The following RGS7BP variants were observed in gnomAD, a reference collection of about 807,000 sequenced individuals.
RGS7BP encodes regulator of G protein signaling 7 binding protein.
In RGS7BP, 9 loss-of-function variants were observed where a neutral mutation model predicts 31.3. The observed-to-expected ratio is 0.29, with a 90% CI of 0.17 to 0.50. The LOEUF is 0.50. Among genes scored for constraint, RGS7BP ranks in the 20% least tolerant of loss-of-function variants. The pLI, the probability that RGS7BP is intolerant of heterozygous loss-of-function variation, is 0.98. For synonymous variants in RGS7BP, 115 were observed against 120.1 expected (o/e 0.96, Z 0.28); for missense variants, 274 against 322.0 (o/e 0.85, Z 1.14).
intron 2 of RGS7BP, among the ~76,000 whole-genome samples, chr5:64,517,744 AG>A (rs1427684164): frequency 6.6e-6 from 1 of 152,226 alleles, no homozygotes; most frequent in East Asian, 1.9e-4. Context: ...TATGAAGTTT[AG>A]AAACCACTGG....
Position 64,610,029 on chromosome 5 carries a change from G to T in RGS7BP, c.*777G>T, listed in dbSNP as rs1743463857. Reference sequence around the variant, plus strand: ...AAATGGTGTAGTAACATATACAATTGCCCTCAAATGTAAAATCAAATATTA... The same window carrying T: ...AAATGGTGTAGTAACATATACAATTTCCCTCAAATGTAAAATCAAATATTA... On this transcript the variant is annotated 3_prime_UTR_variant, in exon 6 of 6. Coordinates refer to ENST00000334025, the MANE Select transcript of RGS7BP (RefSeq NM_001029875.3). 6.6e-6 allele frequency: 1 copy of T among 152,326 alleles called. No homozygotes were observed. Among genetic ancestry groups the T allele is most frequent in the African/African-American group, 2.4e-5 (1 of 41,398 alleles). The allele number at this position is 152,326 out of a possible 1,614,324, so 9.4% of individuals were successfully genotyped here.
intron 2 of RGS7BP, among the ~76,000 whole-genome samples, chr5:64,509,726 CT>C (rs1748782753): frequency 6.6e-6 from 1 of 152,060 alleles, no homozygotes. Flanking sequence ...TAGCTCTTTG[CT>C]ACTTGTTTGC....
chr5:64,586,925 T>G (rs1478588572), intron 3 of RGS7BP, among the ~76,000 whole-genome samples: 1 of 152,236 alleles, frequency 6.6e-6, no homozygotes, highest in Admixed American at 6.5e-5. Context: ...TACTAGTTCA[T>G]GTATTTGTCA....
At chr5:64,523,593 CTTCT>C (rs1232211764) in intron 2 of RGS7BP, among the ~76,000 whole-genome samples, 1 of 152,120 alleles carries the variant, frequency 6.6e-6, no homozygotes, top group Non-Finnish European at 1.5e-5. Context: ...CCTTTATCAC[CTTCT>C]TTCTTTGCTG....
rs141996983 is a variant in RGS7BP, at chr5:64,513,341, T to A, written c.332+5464T>A. Among the ~76,000 whole-genome samples, 564 of 152,248 alleles carry A rather than the reference T, an allele frequency of 3.7e-3. 2 individuals carry two copies. Among genetic ancestry groups the A allele is most frequent in the Middle Eastern group, 0.031 (9 of 294 alleles). ...CTTCTCTTTCCTCATGTTCTTTCCTTCTCTTCCTTCTCCTCCTCCTGCCTT... is the reference window on the plus strand; with the variant it reads ...CTTCTCTTTCCTCATGTTCTTTCCTACTCTTCCTTCTCCTCCTCCTGCCTT... On this transcript the variant is annotated intron_variant, in intron 2 of 5. Transcript: ENST00000334025.
At chr5:64,532,371 G>C (rs1461430795) in intron 2 of RGS7BP, among the ~76,000 whole-genome samples, 1 of 151,428 alleles carries the variant, frequency 6.6e-6, no homozygotes, top group Non-Finnish European at 1.5e-5. Flanking sequence ...CCAAACAGAA[G>C]AGCCCCGTAG....
At chr5:64,515,297 T>C (rs1217274490) in intron 2 of RGS7BP, among the ~76,000 whole-genome samples, 1 of 152,226 alleles carries the variant, frequency 6.6e-6, no homozygotes, top group Non-Finnish European at 1.5e-5. Context: ...AACCAATATG[T>C]TGGTTTTTAA....
At chr5:64,601,514 A>G in intron 5 of RGS7BP, 1 of 800,074 alleles carries the variant, frequency 1.2e-6, no homozygotes, top group Non-Finnish European at 1.5e-6. Context: ...CTTCATTTTC[A>G]GCCTTTTCTT....
chr5:64,578,796 G>A (rs1318793233), intron 3 of RGS7BP, among the ~76,000 whole-genome samples: 1 of 152,210 alleles, frequency 6.6e-6, no homozygotes, highest in African/African-American at 2.4e-5. Context: ...AACTGAGGAT[G>A]TGACCACTGA....
At chr5:64,533,349 T>G (rs1339330132) in intron 2 of RGS7BP, among the ~76,000 whole-genome samples, 1 of 152,216 alleles carries the variant, frequency 6.6e-6, no homozygotes, top group Non-Finnish European at 1.5e-5. Flanking sequence ...TGCTAGATCT[T>G]CAGGTAAATG....
At chr5:64,608,980 C>G (rs918276388) in intron 5 of RGS7BP, among the ~76,000 whole-genome samples, 181 bp from the exon 6 acceptor site, 9 of 151,964 alleles carry the variant, frequency 5.9e-5, no homozygotes, top group African/African-American at 2.2e-4. Flanking sequence ...AGGGATGCTA[C>G]TAAACATTCC....
At position 64,575,833 on chromosome 5, in the gene RGS7BP, G is replaced by A. The variant is rs779607543; in HGVS notation, c.392G>A (p.Cys131Tyr). Reference protein sequence around the residue: ...ICRLYIQLQCCLEMYTTEMLK... With the variant: ...ICRLYIQLQCYLEMYTTEMLK... ...CGGCTTTACATCCAGCTGCAGTGCT[G>A]CTTAGAAATGTATACCACAGAGATG... The change falls in exon 3 of 6, where the codon TGC (cysteine) becomes TAC (tyrosine). Residue 131 changes from cysteine to tyrosine, a missense_variant. Around this residue, in one of 3 missense-constraint regions of RGS7BP, gnomAD observed 13 missense variants for 38.5 expected, o/e 0.34. Coordinates refer to ENST00000334025, the MANE Select transcript of RGS7BP (RefSeq NM_001029875.3). 1.9e-6 allele frequency: 3 copies of A among 1,613,372 alleles called. No individual in the cohort carries two copies. Among genetic ancestry groups the A allele is most frequent in the East Asian group, 2.2e-5 (1 of 44,806 alleles).
At chr5:64,578,491 C>G (rs1742495565) in intron 3 of RGS7BP, among the ~76,000 whole-genome samples, 1 of 152,186 alleles carries the variant, frequency 6.6e-6, no homozygotes, top group Non-Finnish European at 1.5e-5. Flanking sequence ...ATTCAAATCT[C>G]TGAGGGCACT....
intron 2 of RGS7BP, among the ~76,000 whole-genome samples, chr5:64,540,286 T>A (rs139277604): frequency 1.8e-3 from 267 of 152,292 alleles, no homozygotes; most frequent in African/African-American, 6.2e-3. Context: ...TACATACATA[T>A]TTTAATAAGA....
At chr5:64,559,759 G>T (rs1328679077) in intron 2 of RGS7BP, among the ~76,000 whole-genome samples, 5 of 152,140 alleles carry the variant, frequency 3.3e-5, no homozygotes, top group Non-Finnish European at 7.4e-5. Flanking sequence ...CAGGTGCTGA[G>T]CATCCTTCCA....
intron 2 of RGS7BP, among the ~76,000 whole-genome samples, chr5:64,558,568 G>A (rs779417588): frequency 1.3e-5 from 2 of 151,892 alleles, no homozygotes; most frequent in African/African-American, 4.8e-5. Context: ...CAAATTTTTC[G>A]TAAAGCCTGT....
intron 2 of RGS7BP, among the ~76,000 whole-genome samples, chr5:64,557,244 C>T (rs190040063): frequency 6.6e-6 from 1 of 152,300 alleles, no homozygotes; most frequent in Non-Finnish European, 1.5e-5. Context: ...CATGTGTAAA[C>T]TTCCACTGGA....
At chr5:64,510,510 G>A (rs1308269934) in intron 2 of RGS7BP, among the ~76,000 whole-genome samples, 6 of 152,182 alleles carry the variant, frequency 3.9e-5, no homozygotes, top group Admixed American at 2.0e-4. Context: ...GAGACAGAAA[G>A]TAGATTAGTG....
chr5:64,582,531 G>T (rs1040188653), intron 3 of RGS7BP, among the ~76,000 whole-genome samples: 1 of 152,112 alleles, frequency 6.6e-6, no homozygotes, highest in East Asian at 1.9e-4. Context: ...TTGTCCCCAG[G>T]TCCTTTGAAG....
Sources: gnomAD v4.1 joint callset for allele counts (sites outside exome capture counted in the v4.1 genomes callset) on GRCh38, gnomAD v4.1.1 for gene constraint, gnomAD v4.1.1 regional missense constraint, MANE v1.5 for transcripts, NCBI Gene and HGNC (gene_info 2026-07-23, HGNC 2026-07-21) for gene names.